The following KCNB2 variants were observed in gnomAD, a reference collection of about 807,000 sequenced individuals.
KCNB2 encodes potassium voltage-gated channel subfamily B member 2, also known as delayed rectifier potassium channel protein.
KCNB2 carries 15 observed loss-of-function variants against 61.5 expected under a neutral mutation model. The observed-to-expected ratio is 0.24, with a 90% CI of 0.16 to 0.38. The LOEUF (loss-of-function observed/expected upper bound fraction) is 0.38. Ranked by LOEUF, KCNB2 falls within the 10% of genes least tolerant of loss-of-function variation. KCNB2 has a pLI of 1.00. For missense variants in KCNB2, 828 were observed against 1,125.2 expected, an observed-to-expected ratio of 0.74 and a Z score of 3.78; for synonymous variants, 457 against 446.0, an observed-to-expected ratio of 1.02 and a Z score of -0.31.
At chr8:72,608,880 T>C (rs1217782141) in intron 2 of KCNB2, among the ~76,000 whole-genome samples, 1 of 152,182 alleles carries the variant, frequency 6.6e-6, no homozygotes, top group Non-Finnish European at 1.5e-5. Context: ...ATCATATTGA[T>C]GTCAACCATC....
intron 2 of KCNB2, among the ~76,000 whole-genome samples, chr8:72,681,005 G>A (rs1407822601): frequency 6.6e-6 from 1 of 152,192 alleles, no homozygotes; most frequent in East Asian, 1.9e-4. Context: ...CAGACTGGGA[G>A]CCAAAGAAAT....
Position 72,707,064 on chromosome 8 carries a change from A to T in KCNB2, c.579+138751A>T, listed in dbSNP as rs555835126. 1.4e-4 allele frequency among the ~76,000 whole-genome samples: 22 copies of T among 152,342 alleles called. No individual in the cohort carries two copies. The South Asian group carries it at 4.3e-3, about 30-fold the overall frequency. On this transcript the variant is annotated intron_variant, in intron 2 of 2. Coordinates refer to ENST00000523207, the MANE Select transcript of KCNB2 (RefSeq NM_004770.3). The stretch of plus-strand genomic sequence containing the variant: ...TGCTTTCCAATTAGTACTTAATGGG[A>T]TATGTAGGAACCACGAGAGGTTATT...
intron 2 of KCNB2, among the ~76,000 whole-genome samples, chr8:72,785,681 T>C (rs941369989): frequency 1.3e-5 from 2 of 152,162 alleles, no homozygotes; most frequent in African/African-American, 2.4e-5. Flanking sequence ...GTTTTGTTAG[T>C]GTATTTCTAA....
chr8:72,804,229 G>A (rs1340540203), intron 2 of KCNB2, among the ~76,000 whole-genome samples: 2 of 152,108 alleles, frequency 1.3e-5, no homozygotes, highest in Non-Finnish European at 2.9e-5. Flanking sequence ...AAATAAGGAA[G>A]CTTCTTCAGT....
At chr8:72,607,098 C>T (rs1399155220) in intron 2 of KCNB2, among the ~76,000 whole-genome samples, 1 of 152,148 alleles carries the variant, frequency 6.6e-6, no homozygotes, top group Non-Finnish European at 1.5e-5. Context: ...TGGGTACCTG[C>T]CTCAAAAATG....
chr8:72,673,615 T>A (rs1272732716), intron 2 of KCNB2, among the ~76,000 whole-genome samples: 1 of 152,220 alleles, frequency 6.6e-6, no homozygotes, highest in African/African-American at 2.4e-5. Flanking sequence ...ATTCAGACTT[T>A]AAAAGTCATG....
chr8:72,583,801 C>A (rs1266058673), intron 2 of KCNB2, among the ~76,000 whole-genome samples: 1 of 148,596 alleles, frequency 6.7e-6, no homozygotes. Context: ...AATGAAAAAT[C>A]ATCTAAAATA....
At chr8:72,830,333 G>A (rs189461245) in intron 2 of KCNB2, among the ~76,000 whole-genome samples, 19 of 151,920 alleles carry the variant, frequency 1.3e-4, no homozygotes, top group Admixed American at 1.2e-3. Context: ...CCTCACCTGT[G>A]GAAATGTGCT....
chr8:72,632,942 A>G (rs1224480898), intron 2 of KCNB2, among the ~76,000 whole-genome samples: 4 of 152,154 alleles, frequency 2.6e-5, no homozygotes, highest in African/African-American at 7.2e-5. Context: ...TTAGTTTTCT[A>G]TTGCTGCCAA....
chr8:72,753,093 G>T (rs537191617), intron 2 of KCNB2, among the ~76,000 whole-genome samples: 1 of 152,292 alleles, frequency 6.6e-6, no homozygotes, highest in South Asian at 2.1e-4. Flanking sequence ...TTCTTCTTAA[G>T]ACTGCTGTAT....
chr8:72,915,214 G>A (rs867145841), intron 2 of KCNB2, among the ~76,000 whole-genome samples: 8 of 152,234 alleles, frequency 5.3e-5, no homozygotes, highest in Non-Finnish European at 1.0e-4. Flanking sequence ...GAGCCACTGC[G>A]CCGAGCATGA....
chr8:72,553,937 T>C (rs1331768922), intron 1 of KCNB2, among the ~76,000 whole-genome samples: 2 of 152,140 alleles, frequency 1.3e-5, no homozygotes, highest in African/African-American at 4.8e-5. Flanking sequence ...CAAAGAGTTT[T>C]TAAAATTACA....
At position 72,709,865 on chromosome 8, in the gene KCNB2, C is replaced by T. The variant is rs141646085; in HGVS notation, c.579+141552C>T. Among the ~76,000 whole-genome samples the T allele has an allele frequency of 7.2e-5, 11 of 152,252 alleles. No individual in the cohort carries two copies. In the East Asian group the frequency reaches 1.9e-3, roughly 27 times the overall value. On this transcript the variant is annotated intron_variant, in intron 2 of 2. Coordinates refer to ENST00000523207, the MANE Select transcript of KCNB2 (RefSeq NM_004770.3). ...TCATGATAATGAAGCCACTAAGTTA[C>T]TATGTACCCGAATGTACAGATGTTT...
intron 2 of KCNB2, among the ~76,000 whole-genome samples, chr8:72,781,374 C>T (rs1291731922): frequency 1.3e-5 from 2 of 152,034 alleles, no homozygotes; most frequent in African/African-American, 4.8e-5. Flanking sequence ...TTTAATTTAT[C>T]TTGAGTTTAT....
rs529814935 is a variant in KCNB2, at chr8:72,665,975, C to T, written c.579+97662C>T. ...ACACTTGGAGAGGAGGGAACTGGCT[C>T]CCCATGTCCCCTGGGACAGGGTTTA... On this transcript the variant is annotated intron_variant, in intron 2 of 2. Transcript: ENST00000523207. Among the ~76,000 whole-genome samples the T allele has an allele frequency of 7.9e-4, 121 of 152,334 alleles. 3 individuals carry two copies. The South Asian group carries it at 0.024, about 31-fold the overall frequency.
chr8:72,804,449 T>C (rs1244545030), intron 2 of KCNB2, among the ~76,000 whole-genome samples: 1 of 152,106 alleles, frequency 6.6e-6, no homozygotes, highest in Non-Finnish European at 1.5e-5. Flanking sequence ...TGGGGAAAGA[T>C]TGAACACCTA....
At position 72,567,743 on chromosome 8, in the gene KCNB2, AAAGGCTCCC is replaced by A; in HGVS notation, c.10_18del (p.Lys4_Pro6del). The A allele has an allele frequency of 1.9e-6, 3 of 1,557,210 alleles. No homozygotes were observed. The highest frequency in any genetic ancestry group is 1.4e-5 in the African/African-American group (1 of 72,660). ...GCTTTGTCCAGTTCAAAATGGCAGA[AAAGGCTCCC>A]CCGGGCTTAAACAGGAAGACTTCAA... On this transcript the variant is annotated inframe_deletion, in exon 2 of 3. Transcript: ENST00000523207.
intron 2 of KCNB2, among the ~76,000 whole-genome samples, chr8:72,796,717 GA>G (rs774173269): frequency 6.6e-6 from 1 of 152,078 alleles, no homozygotes; most frequent in Non-Finnish European, 1.5e-5. Flanking sequence ...ATGAATCAGG[GA>G]AACAGTTTTG....
At chr8:72,690,743 T>C (rs1157779537) in intron 2 of KCNB2, among the ~76,000 whole-genome samples, 1 of 152,230 alleles carries the variant, frequency 6.6e-6, no homozygotes, top group Non-Finnish European at 1.5e-5. Flanking sequence ...TAAAAGTACA[T>C]TATGATTATT....
Sources: gnomAD v4.1 joint callset for allele counts (sites outside exome capture counted in the v4.1 genomes callset) on GRCh38, gnomAD v4.1.1 for gene constraint, MANE v1.5 for transcripts, NCBI Gene and HGNC (gene_info 2026-07-23, HGNC 2026-07-21) for gene names.